The following MGAT3 variants were observed in gnomAD, a reference collection of about 807,000 sequenced individuals.
The protein encoded by MGAT3 is GlcNAc-T III.
Under a neutral mutation model 29.8 loss-of-function variants are expected in MGAT3, and 9 were observed. The observed-to-expected ratio is 0.30, with a 90% CI of 0.18 to 0.53. MGAT3 has a LOEUF of 0.53. Ranked by LOEUF, MGAT3 falls within the 20% of genes least tolerant of loss-of-function variation. The pLI is 0.96. For missense variants in MGAT3, 557 were observed against 769.5 expected (o/e 0.72, Z 3.27); for synonymous variants, 397 against 348.9 (o/e 1.14, Z -1.54).
At chr22:39,475,914 CA>C (rs1569002708) in intron 1 of MGAT3, 1 of 152,390 alleles carries the variant, frequency 6.6e-6, no homozygotes, top group East Asian at 1.9e-4. Context: ...AATTCACATA[CA>C]GCCTGGGTAA....
At chr22:39,463,237 G>A (rs1184842516) in intron 1 of MGAT3, among the ~76,000 whole-genome samples, 4 of 152,238 alleles carry the variant, frequency 2.6e-5, no homozygotes, top group African/African-American at 9.6e-5. Flanking sequence ...CTTGCTGAGA[G>A]GCAAGCACTA....
Position 39,459,311 on chromosome 22 carries a change from T to C in MGAT3, c.-2+1754T>C, listed in dbSNP as rs1928434627. On this transcript the variant is annotated intron_variant, in intron 1 of 1. Transcript: ENST00000341184. Reference sequence around the variant, plus strand: ...CTGGTCTCGAACTCCTGACCTCAAGTGATCCACCCACCTTGGCCTCCTAAA... The same window carrying C: ...CTGGTCTCGAACTCCTGACCTCAAGCGATCCACCCACCTTGGCCTCCTAAA... Among the ~76,000 whole-genome samples, 3 of 152,270 alleles carry C rather than the reference T, an allele frequency of 2.0e-5. No homozygotes were observed. The South Asian group carries it at 6.2e-4, about 32-fold the overall frequency.
intron 1 of MGAT3, among the ~76,000 whole-genome samples, chr22:39,469,033 A>G (rs1569000714): frequency 2.0e-5 from 3 of 151,198 alleles, no homozygotes; most frequent in Non-Finnish European, 4.4e-5. Flanking sequence ...CCATTGAGGA[A>G]GCTGCTGCCA....
intron 1 of MGAT3, among the ~76,000 whole-genome samples, chr22:39,470,813 C>T (rs765608508): frequency 2.6e-5 from 4 of 152,122 alleles, no homozygotes; most frequent in African/African-American, 4.8e-5. Flanking sequence ...ATAGAGGCAC[C>T]GAGGCCCAGG....
intron 1 of MGAT3, among the ~76,000 whole-genome samples, chr22:39,461,254 T>C (rs999563044): frequency 4.6e-5 from 7 of 152,122 alleles, no homozygotes; most frequent in African/African-American, 1.7e-4. Flanking sequence ...GAGGAAAGGA[T>C]GCAGAGAGTG....
chr22:39,469,011 C>T (rs188068100), intron 1 of MGAT3, among the ~76,000 whole-genome samples: 9 of 151,706 alleles, frequency 5.9e-5, no homozygotes, highest in South Asian at 2.1e-4. Context: ...TCATGGGGGC[C>T]GGGTTGGGGG....
intron 1 of MGAT3, among the ~76,000 whole-genome samples, chr22:39,459,261 A>T (rs1405969269): frequency 6.6e-6 from 1 of 151,810 alleles, no homozygotes; most frequent in Admixed American, 6.6e-5. Context: ...TTTAGTAGAG[A>T]TGGGGTTTCA....
Position 39,489,158 on chromosome 22 carries a change from C to T in MGAT3, c.*209C>T, listed in dbSNP as rs1929382049. On this transcript the variant is annotated 3_prime_UTR_variant, in exon 2 of 2. Coordinates refer to ENST00000341184, the MANE Select transcript of MGAT3 (RefSeq NM_002409.5). ...AAATATCCCTCCTGTTGGGAGAGGG[C>T]GCAGGCCGTGACGTCTGGGTGGCCC... 2 of 734,974 alleles carry T rather than the reference C, an allele frequency of 2.7e-6. No homozygotes were observed. Among genetic ancestry groups the T allele is most frequent in the Middle Eastern group, 4.0e-4 (1 of 2,506 alleles). 45.5% of individuals were successfully genotyped at this position (734,974 alleles called of 1,614,324 possible).
intron 1 of MGAT3, among the ~76,000 whole-genome samples, chr22:39,483,749 C>A (rs1436003151): frequency 6.6e-6 from 1 of 152,192 alleles, no homozygotes; most frequent in Non-Finnish European, 1.5e-5. Flanking sequence ...GTGCAGAAGA[C>A]CCACTTCAAA....
Position 39,489,161 on chromosome 22 carries a change from A to G in MGAT3, c.*212A>G. 2 of 716,400 alleles carry G rather than the reference A, an allele frequency of 2.8e-6. No homozygotes were observed. Among genetic ancestry groups the G allele is most frequent in the Non-Finnish European group, 4.6e-6 (2 of 432,382 alleles). 44.4% of individuals were successfully genotyped at this position (716,400 alleles called of 1,614,324 possible). A position where few individuals can be genotyped will look rare whatever the true frequency, so the allele number is the denominator to read the frequency against. ...TATCCCTCCTGTTGGGAGAGGGCGC[A>G]GGCCGTGACGTCTGGGTGGCCCTTA... On this transcript the variant is annotated 3_prime_UTR_variant, in exon 2 of 2. Transcript: ENST00000341184.
intron 1 of MGAT3, among the ~76,000 whole-genome samples, chr22:39,485,352 T>C (rs1929241518): frequency 6.6e-6 from 1 of 152,242 alleles, no homozygotes. Context: ...GGGGTTTGGC[T>C]GATGGTGACA....
intron 1 of MGAT3, among the ~76,000 whole-genome samples, chr22:39,480,633 G>C (rs1352417045): frequency 2.0e-5 from 3 of 152,096 alleles, no homozygotes; most frequent in Non-Finnish European, 4.4e-5. Context: ...GGTTAGCCCA[G>C]GACCTGCTGC....
Position 39,487,339 on chromosome 22 carries a change from T to C in MGAT3, c.-1-8T>C, listed in dbSNP as rs4821902. Reference sequence around the variant, plus strand: ...CTGATGAGTCTCCTGTCTCTCTCTCTCCCGCAGGATGAAGATGAGACGCTA... The same window carrying C: ...CTGATGAGTCTCCTGTCTCTCTCTCCCCCGCAGGATGAAGATGAGACGCTA... On this transcript the variant is annotated splice_polypyrimidine_tract_variant and splice_region_variant and intron_variant, in intron 1 of 1. Transcript: ENST00000341184. The surrounding 1 kb of genome is among the most constrained non-coding windows in gnomAD (Gnocchi z 5.7). The C allele has an allele frequency of 0.091, 146,818 of 1,607,866 alleles. 8,347 individuals carry two copies. The highest frequency in any genetic ancestry group is 0.28 in the African/African-American group (20,668 of 74,634).
chr22:39,476,243 G>A (rs1402876769), intron 1 of MGAT3, among the ~76,000 whole-genome samples: 5 of 152,190 alleles, frequency 3.3e-5, no homozygotes, highest in Admixed American at 2.6e-4. Flanking sequence ...CTTGGGCTGA[G>A]CCTTTGGCAA....
chr22:39,487,942 C>CG lies in MGAT3; in HGVS notation c.595_596insG (p.Leu199ArgfsTer118). On this transcript the variant is annotated frameshift_variant, in exon 2 of 2. Coordinates refer to ENST00000341184, the MANE Select transcript of MGAT3 (RefSeq NM_002409.5). LOFTEE classifies it high-confidence loss of function. The surrounding 1 kb of genome is among the most constrained non-coding windows in gnomAD (Gnocchi z 5.7). ...CTCCAACCTGCCCACCAAGGAGCGG[C>CG]TGGTGCCCAGGGAGGTGCCGCGCCG... 6.2e-7 allele frequency: 1 copy of CG among 1,610,146 alleles called. No homozygotes were observed. The highest frequency in any genetic ancestry group is 8.5e-7 in the Non-Finnish European group (1 of 1,178,926).
rs141521970 is a variant in MGAT3, at chr22:39,483,297, C to G, written c.-1-4050C>G. Among the ~76,000 whole-genome samples, 45 of 152,218 alleles carry G rather than the reference C, an allele frequency of 3.0e-4. 2 individuals carry two copies. Among genetic ancestry groups the G allele is most frequent in the Middle Eastern group, 6.8e-3 (2 of 294 alleles). ...ATCACCTGAGGTCAGGAGTTCGAGA[C>G]GAGCCTGACCAACATGGTGAAACCC... is the stretch of plus-strand genomic sequence containing the variant. On this transcript the variant is annotated intron_variant, in intron 1 of 1. Transcript: ENST00000341184.
chr22:39,481,687 G>A (rs1459705014), intron 1 of MGAT3, among the ~76,000 whole-genome samples: 1 of 152,226 alleles, frequency 6.6e-6, no homozygotes, highest in Non-Finnish European at 1.5e-5. Context: ...TACTTGGGTT[G>A]AACTTGGCAG....
chr22:39,458,559 C>T (rs1324051594), intron 1 of MGAT3, among the ~76,000 whole-genome samples: 1 of 152,076 alleles, frequency 6.6e-6, no homozygotes, highest in Non-Finnish European at 1.5e-5. Flanking sequence ...AGAGCCCCCA[C>T]CCCCAGGAGC....
At chr22:39,467,942 G>A (rs536588170) in intron 1 of MGAT3, among the ~76,000 whole-genome samples, 24 of 151,930 alleles carry the variant, frequency 1.6e-4, no homozygotes, top group African/African-American at 5.5e-4. Flanking sequence ...CTCGGAGGCC[G>A]CCACCCTCAC....
Sources: gnomAD v4.1 joint callset for allele counts (sites outside exome capture counted in the v4.1 genomes callset) on GRCh38, gnomAD v4.1.1 for gene constraint, Gnocchi (gnomAD v3.1) non-coding constraint, MANE v1.5 for transcripts, NCBI Gene and HGNC (gene_info 2026-07-23, HGNC 2026-07-21) for gene names.